The following PLXDC2 variants were observed in gnomAD, a reference collection of about 807,000 sequenced individuals.
PLXDC2 encodes the protein plexin domain containing 2, also known as plexin domain-containing protein 2.
In PLXDC2, 40 loss-of-function variants were observed where a neutral mutation model predicts 68.9. The ratio of observed to expected loss-of-function variants is 0.58; its 90% confidence interval spans 0.45 to 0.76. The LOEUF (loss-of-function observed/expected upper bound fraction) is 0.76. PLXDC2 is among the 30% of genes least tolerant of loss of function. PLXDC2 has a pLI of 0.00. For missense variants in PLXDC2, 644 were observed against 661.9 expected, an observed-to-expected ratio of 0.97 and a Z score of 0.30; for synonymous variants, 243 against 234.2, an observed-to-expected ratio of 1.04 and a Z score of -0.34.
At chr10:20,083,308 T>C (rs1836607798) in intron 4 of PLXDC2, among the ~76,000 whole-genome samples, 1 of 151,982 alleles carries the variant, frequency 6.6e-6, no homozygotes, top group Non-Finnish European at 1.5e-5. Flanking sequence ...ACCCCGTCTC[T>C]ACTAAAAAAA....
intron 1 of PLXDC2, among the ~76,000 whole-genome samples, chr10:19,875,778 C>G (rs1178473731): frequency 6.6e-6 from 1 of 152,084 alleles, no homozygotes; most frequent in Non-Finnish European, 1.5e-5. Flanking sequence ...TGTCTATTTT[C>G]CTTTCAAAAT....
At chr10:19,943,856 A>G (rs1388805257) in intron 1 of PLXDC2, among the ~76,000 whole-genome samples, 1 of 152,176 alleles carries the variant, frequency 6.6e-6, no homozygotes, top group Non-Finnish European at 1.5e-5. Context: ...GTAATAATAA[A>G]GGTGATTTGT....
chr10:20,054,737 A>G (rs1282979356), intron 3 of PLXDC2, among the ~76,000 whole-genome samples: 1 of 152,050 alleles, frequency 6.6e-6, no homozygotes, highest in African/African-American at 2.4e-5. Flanking sequence ...TAGCATTAGG[A>G]GATATACCTA....
intron 7 of PLXDC2, among the ~76,000 whole-genome samples, chr10:20,170,250 G>C (rs1010117129): frequency 1.4e-4 from 22 of 152,226 alleles, no homozygotes; most frequent in African/African-American, 5.1e-4. Flanking sequence ...GAGTACAGTG[G>C]GACGATCTTG....
intron 4 of PLXDC2, among the ~76,000 whole-genome samples, chr10:20,081,378 A>G (rs980185711): frequency 2.0e-5 from 3 of 151,516 alleles, no homozygotes; most frequent in Non-Finnish European, 4.4e-5. Flanking sequence ...AATACTAAAG[A>G]CTAAGAAACT....
At chr10:20,170,604 A>G (rs1834435097) in intron 7 of PLXDC2, among the ~76,000 whole-genome samples, 1 of 152,150 alleles carries the variant, frequency 6.6e-6, no homozygotes, top group South Asian at 2.1e-4. Flanking sequence ...ATTTAAAATA[A>G]TAGTAATAGC....
intron 4 of PLXDC2, among the ~76,000 whole-genome samples, chr10:20,073,100 C>A (rs1194129289): frequency 1.3e-5 from 2 of 152,160 alleles, no homozygotes; most frequent in Non-Finnish European, 2.9e-5. Context: ...AAAGATGCTT[C>A]TTTTGTTGAC....
At position 20,245,589 on chromosome 10, in the gene PLXDC2, C is replaced by G. The variant is rs538049962; in HGVS notation, c.1473+84C>G. On this transcript the variant is annotated intron_variant, in intron 13 of 13. Transcript: ENST00000377252. ...TAACACCACCTGGATTTAATATTTA[C>G]CACATGGCTTCTCCATTTTTCAGTT... The G allele has an allele frequency of 7.0e-5, 99 of 1,413,946 alleles. 1 individual carries two copies. The highest frequency in any genetic ancestry group is 1.9e-4 in the Admixed American group (9 of 46,212). The allele number at this position is 1,413,946 out of a possible 1,614,324, so 87.6% of individuals were successfully genotyped here.
intron 4 of PLXDC2, among the ~76,000 whole-genome samples, chr10:20,111,357 T>C (rs149006456): frequency 8.7e-4 from 133 of 152,338 alleles, no homozygotes; most frequent in African/African-American, 3.1e-3. Context: ...GAAGTATTTA[T>C]TTTACACACA....
At chr10:19,914,496 A>G (rs984555521) in intron 1 of PLXDC2, among the ~76,000 whole-genome samples, 12 of 152,224 alleles carry the variant, frequency 7.9e-5, no homozygotes, top group African/African-American at 2.4e-4. Flanking sequence ...GCTCATGACC[A>G]TTCACGAGAA....
At chr10:19,906,196 A>G (rs1050762393) in intron 1 of PLXDC2, among the ~76,000 whole-genome samples, 1 of 152,054 alleles carries the variant, frequency 6.6e-6, no homozygotes. Context: ...GTATGTGCAC[A>G]TGCGTGTGTG....
chr10:19,816,911 T>G lies in PLXDC2; in HGVS notation c.-169T>G. ...CGCTGCGCTCCTACTCGCGTTCGCT[T>G]CTTCCTCTTCTCGGTTCCCTACTGT... On this transcript the variant is annotated 5_prime_UTR_variant, in exon 1 of 14. Transcript: ENST00000377252. 1.7e-6 allele frequency: 1 copy of G among 604,486 alleles called. No individual in the cohort carries two copies. The allele number at this position is 604,486 out of a possible 1,614,324, so 37.4% of individuals were successfully genotyped here. A position where few individuals can be genotyped will look rare whatever the true frequency, so the allele number is the denominator to read the frequency against.
At chr10:19,957,771 T>C (rs945488473) in intron 1 of PLXDC2, among the ~76,000 whole-genome samples, 2 of 152,172 alleles carry the variant, frequency 1.3e-5, no homozygotes, top group Non-Finnish European at 2.9e-5. Context: ...CAGTTATTAA[T>C]ACATGTTGCT....
intron 2 of PLXDC2, among the ~76,000 whole-genome samples, chr10:20,017,964 C>G (rs531384362): frequency 6.6e-6 from 1 of 152,328 alleles, no homozygotes; most frequent in East Asian, 1.9e-4. Flanking sequence ...CCCAGCCTAA[C>G]AGGACAGCCA....
intron 1 of PLXDC2, among the ~76,000 whole-genome samples, chr10:19,965,127 T>G (rs1042043956): frequency 6.6e-6 from 1 of 152,206 alleles, no homozygotes; most frequent in African/African-American, 2.4e-5. Context: ...TTATTCAAAA[T>G]TGAGTATCAC....
chr10:20,057,830 G>A (rs757536157), intron 3 of PLXDC2, among the ~76,000 whole-genome samples: 21 of 151,928 alleles, frequency 1.4e-4, no homozygotes, highest in East Asian at 1.9e-4. Flanking sequence ...AGCAACTCTC[G>A]GACGCTGTGT....
intron 1 of PLXDC2, among the ~76,000 whole-genome samples, chr10:19,894,976 A>G (rs1838032624): frequency 6.6e-6 from 1 of 152,222 alleles, no homozygotes; most frequent in South Asian, 2.1e-4. Flanking sequence ...ACACATGCAC[A>G]CATATGTTTA....
intron 7 of PLXDC2, among the ~76,000 whole-genome samples, chr10:20,173,062 C>T (rs77833076): frequency 0.026 from 3,898 of 152,278 alleles, 62 homozygotes; most frequent in Non-Finnish European, 0.032. Context: ...AAGCTTGTAG[C>T]CACTATAATA....
intron 13 of PLXDC2, among the ~76,000 whole-genome samples, chr10:20,272,475 T>A (rs571316683): frequency 1.6e-4 from 24 of 152,184 alleles, no homozygotes; most frequent in East Asian, 1.5e-3. Context: ...GAAAGAGAGC[T>A]TGTCACCCAT....
Sources: gnomAD v4.1 joint callset for allele counts (sites outside exome capture counted in the v4.1 genomes callset) on GRCh38, gnomAD v4.1.1 for gene constraint, MANE v1.5 for transcripts, NCBI Gene and HGNC (gene_info 2026-07-23, HGNC 2026-07-21) for gene names.